The following DNAH9 variants were observed in gnomAD, a reference collection of about 807,000 sequenced individuals.
The protein encoded by DNAH9 is dynein axonemal heavy chain 9.
A neutral mutation model predicts 471.6 loss-of-function variants in DNAH9; 345 were observed. That is an observed-to-expected ratio of 0.73 (90% confidence interval 0.67 to 0.80). The LOEUF (loss-of-function observed/expected upper bound fraction) is 0.80. Among genes scored for constraint, DNAH9 ranks in the 30% least tolerant of loss-of-function variants. DNAH9 has a pLI of 0.00. For missense variants in DNAH9, 5,407 were observed against 5,609.2 expected (o/e 0.96, Z 1.15); for synonymous variants, 2,093 against 2,123.6 (o/e 0.99, Z 0.40).
At position 11,929,980 on chromosome 17, in the gene DNAH9, C is replaced by T. The variant is rs1341885126; in HGVS notation, c.11992C>T (p.Pro3998Ser). The T allele has an allele frequency of 1.2e-6, 2 of 1,613,960 alleles. No individual in the cohort carries two copies. The highest frequency in any genetic ancestry group is 8.5e-7 in the Non-Finnish European group (1 of 1,180,010). ...VFMSAEPAPS[P>S]EGHIIPQGIL... ...CATGAGTGCAGAGCCAGCACCCTCC[C>T]CTGAGGGCCACATCATCCCCCAGGG... Residue 3998 changes from proline to serine, a missense_variant, in exon 63 of 69, where the codon CCT becomes TCT. Transcript: ENST00000262442.
At chr17:11,867,357 C>G (rs1972097830) in intron 50 of DNAH9, among the ~76,000 whole-genome samples, 1 of 152,078 alleles carries the variant, frequency 6.6e-6, no homozygotes, top group Non-Finnish European at 1.5e-5. Flanking sequence ...CTTTTTGTTA[C>G]TGTTTGTTTT....
rs528972122 is a variant in DNAH9 at position 11,727,702 on chromosome 17, C to T, written c.5710-116C>T. On this transcript the variant is annotated intron_variant, in intron 27 of 68. Transcript: ENST00000262442. ...TTGAAATTTTAATACAAGTTTCTGA[C>T]CAGTGGTCTTTAGGGGGACTAGAAG... The T allele has an allele frequency of 1.0e-5, 7 of 675,638 alleles. No individual in the cohort carries two copies. The South Asian group carries it at 1.1e-4, about 10-fold the overall frequency. The allele number at this position is 675,638 out of a possible 1,614,324, so 41.9% of individuals were successfully genotyped here. A position where few individuals can be genotyped will look rare whatever the true frequency, so the allele number is the denominator to read the frequency against.
At position 11,902,812 on chromosome 17, in the gene DNAH9, G is replaced by C. The variant is rs774668828; in HGVS notation, c.11500G>C (p.Glu3834Gln). The C allele has an allele frequency of 3.1e-6, 5 of 1,614,080 alleles. No homozygotes were observed. The Admixed American group carries it at 8.3e-5, about 27-fold the overall frequency. Reference sequence around the variant, plus strand: ...AAAGTTTGTGGAGTCCGAATGTCCTGAGAAAGAGAAGCTCCCACAGGAGTG... The same window carrying C: ...AAAGTTTGTGGAGTCCGAATGTCCTCAGAAAGAGAAGCTCCCACAGGAGTG... ...WKKFVESECP[E>Q]KEKLPQEWKN... The change falls in exon 60 of 69, where the codon GAG (glutamate) becomes CAG (glutamine). Residue 3834 changes from glutamate (E) to glutamine (Q), a missense_variant. Physicochemically the swap from Glu to Gln is conservative, Grantham distance 29. This residue lies in a region of DNAH9 where 4,636 missense variants were observed against 4,900.3 expected (regional missense o/e 0.95). Coordinates refer to ENST00000262442, the MANE Select transcript of DNAH9 (RefSeq NM_001372.4).
Position 11,623,252 on chromosome 17 carries a change from G to A in DNAH9, c.1350+3471G>A, listed in dbSNP as rs992634075. Among the ~76,000 whole-genome samples the A allele has an allele frequency of 6.6e-6, 1 of 152,108 alleles. No individual in the cohort carries two copies. The highest frequency in any genetic ancestry group is 2.4e-5 in the African/African-American group (1 of 41,436). On this transcript the variant is annotated intron_variant, in intron 6 of 68. Coordinates refer to ENST00000262442, the MANE Select transcript of DNAH9 (RefSeq NM_001372.4). This position sits in a 1 kb window ranked among gnomAD's most constrained non-coding sequence, Gnocchi z 4.1. ...GCCTCCCAAAGTGCTGGGATTACAG[G>A]TGTGAGCCACCGTGCCCGGCCAGCA... is the stretch of plus-strand genomic sequence containing the variant.
chr17:11,620,031 C>CA (rs2072823238), intron 6 of DNAH9: 1 of 486,084 alleles, frequency 2.1e-6, no homozygotes, highest in Non-Finnish European at 3.7e-6. Flanking sequence ...GCCAACATGG[C>CA]AAAACGCCTT....
At chr17:11,958,768 A>T (rs1975819282) in intron 67 of DNAH9, among the ~76,000 whole-genome samples, 1 of 152,198 alleles carries the variant, frequency 6.6e-6, no homozygotes, top group Admixed American at 6.5e-5. Flanking sequence ...GAAAAGGCAT[A>T]GAGAAAACTT....
At chr17:11,686,217 T>A (rs2074239645) in intron 19 of DNAH9, among the ~76,000 whole-genome samples, 2 of 152,094 alleles carry the variant, frequency 1.3e-5, no homozygotes, top group South Asian at 4.1e-4. Context: ...TCAATTTAGC[T>A]CACTTATTCC....
intron 13 of DNAH9, among the ~76,000 whole-genome samples, chr17:11,652,356 G>A (rs2073528561): frequency 7.1e-6 from 1 of 141,174 alleles, no homozygotes; most frequent in Admixed American, 7.8e-5. Flanking sequence ...CACAATCTCG[G>A]CTCACTGCAA....
intron 6 of DNAH9, among the ~76,000 whole-genome samples, chr17:11,625,095 CA>C (rs2072946056): frequency 6.8e-6 from 1 of 147,890 alleles, no homozygotes; most frequent in Non-Finnish European, 1.5e-5. Context: ...CACACACACA[CA>C]CCGAGTTCAT....
chr17:11,680,053 G>A, intron 18 of DNAH9, 74 bp downstream of exon 18: 2 of 1,195,384 alleles, frequency 1.7e-6, no homozygotes, highest in Middle Eastern at 2.3e-4. Context: ...GGTAAAGTGG[G>A]GTACAGCAAA....
At position 11,962,659 on chromosome 17, in the gene DNAH9, A is replaced by G. The variant is rs75213329; in HGVS notation, c.13233+403A>G. Among the ~76,000 whole-genome samples the G allele has an allele frequency of 0.011, 1,634 of 152,266 alleles. 31 individuals are homozygous for G. Among genetic ancestry groups the G allele is most frequent in the African/African-American group, 0.037 (1,555 of 41,534 alleles). On this transcript the variant is annotated intron_variant, in intron 68 of 68. Coordinates refer to ENST00000262442, the MANE Select transcript of DNAH9 (RefSeq NM_001372.4). The surrounding 1 kb of genome is among the most constrained non-coding windows in gnomAD (Gnocchi z 4.1). ...CTGGCACATAGGCAGTTATCAAAAA[A>G]TGTTGGAGTCAGCTATCTCTGCTGC...
chr17:11,651,065 C>T lies in DNAH9; in HGVS notation c.2098-4C>T. 6.2e-7 allele frequency: 1 copy of T among 1,611,824 alleles called. No individual in the cohort carries two copies. The highest frequency in any genetic ancestry group is 1.1e-5 in the South Asian group (1 of 90,926). On this transcript the variant is annotated splice_polypyrimidine_tract_variant and splice_region_variant and intron_variant, in intron 12 of 68. Coordinates refer to ENST00000262442, the MANE Select transcript of DNAH9 (RefSeq NM_001372.4). ...CAGACACTTGTGTTGCTTCTTTTCT[C>T]CAGCTGATTTCAGTGCTGAAAGAAA...
chr17:11,791,470 G>A (rs1404572961), intron 41 of DNAH9, among the ~76,000 whole-genome samples: 1 of 152,182 alleles, frequency 6.6e-6, no homozygotes, highest in Non-Finnish European at 1.5e-5. Context: ...CAGCACTTTA[G>A]GAGACCAAGG....
In DNAH9 at chr17:11,644,681, T is replaced by C. The variant is rs762215737; in HGVS notation, c.1952T>C (p.Met651Thr). 5 of 1,612,612 alleles carry C rather than the reference T, an allele frequency of 3.1e-6. No individual in the cohort carries two copies. In the East Asian group the frequency reaches 6.7e-5, roughly 22 times the overall value. The change falls in exon 11 of 69, where the codon ATG becomes ACG. Residue 651 changes from methionine (M) to threonine (T), a missense_variant. Physicochemically the swap from Met to Thr is moderately conservative, Grantham distance 81. Around this residue, in one of 3 missense-constraint regions of DNAH9, gnomAD observed 4,636 missense variants for 4,900.3 expected, o/e 0.95. Coordinates refer to ENST00000262442, the MANE Select transcript of DNAH9 (RefSeq NM_001372.4). Reference sequence around the variant, plus strand: ...CGAATGCAACAAAAATATGAAGATATGCTGTCATTGCTAGAAAAGTAAGCA... The same window carrying C: ...CGAATGCAACAAAAATATGAAGATACGCTGTCATTGCTAGAAAAGTAAGCA... ...GKRMQQKYED[M>T]LSLLEKYETR...
chr17:11,664,790 T>C (rs913946239), intron 14 of DNAH9, 43 bp from the exon 15 acceptor site: 10 of 1,551,192 alleles, frequency 6.4e-6, no homozygotes, highest in Non-Finnish European at 8.8e-6. Flanking sequence ...AGTTCTTTCA[T>C]GCTATTAAAC....
At chr17:11,602,860 C>A (rs1380779346) in intron 1 of DNAH9, among the ~76,000 whole-genome samples, 5 of 152,206 alleles carry the variant, frequency 3.3e-5, no homozygotes, top group Admixed American at 3.3e-4. Flanking sequence ...CTACTCCCAT[C>A]TTTCCAGCTC....
intron 66 of DNAH9, among the ~76,000 whole-genome samples, chr17:11,939,805 T>C (rs1000005277): frequency 2.2e-5 from 3 of 139,080 alleles, no homozygotes; most frequent in Non-Finnish European, 4.8e-5. Context: ...GCATGTTAGA[T>C]ACATGGATGG....
intron 66 of DNAH9, among the ~76,000 whole-genome samples, chr17:11,938,786 A>G (rs993872454): frequency 1.3e-5 from 2 of 151,988 alleles, no homozygotes; most frequent in African/African-American, 4.8e-5. Flanking sequence ...TTTTGTAGAG[A>G]CAGGGTCGCA....
intron 41 of DNAH9, 43 bp downstream of exon 41, chr17:11,784,582 A>T (rs1968793257): frequency 6.2e-7 from 1 of 1,612,386 alleles, no homozygotes; most frequent in Admixed American, 1.7e-5. Flanking sequence ...CTTAGTGATT[A>T]TCCAGATGCT....
Sources: gnomAD v4.1 joint callset for allele counts (sites outside exome capture counted in the v4.1 genomes callset) on GRCh38, gnomAD v4.1.1 for gene constraint, gnomAD v4.1.1 regional missense constraint, Gnocchi (gnomAD v3.1) non-coding constraint, MANE v1.5 for transcripts, NCBI Gene and HGNC (gene_info 2026-07-23, HGNC 2026-07-21) for gene names.